The following IKZF3 variants were observed in gnomAD, a reference collection of about 807,000 sequenced individuals.
IKZF3 encodes IKAROS family zinc finger 3.
In IKZF3, 10 loss-of-function variants were observed where a neutral mutation model predicts 49.0. The observed-to-expected ratio is 0.20, with a 90% CI of 0.13 to 0.35. The LOEUF (loss-of-function observed/expected upper bound fraction) is 0.35, where lower values mean the gene tolerates loss of function less well. Ranked by LOEUF, IKZF3 falls within the 10% of genes least tolerant of loss-of-function variation. IKZF3 has a pLI of 1.00. For missense variants in IKZF3, 498 were observed against 664.8 expected, an observed-to-expected ratio of 0.75 and a Z score of 2.76; for synonymous variants, 209 against 228.2, an observed-to-expected ratio of 0.92 and a Z score of 0.76.
chr17:39,798,692 A>G (rs1009174277), intron 3 of IKZF3, among the ~76,000 whole-genome samples: 14 of 152,064 alleles, frequency 9.2e-5, no homozygotes, highest in Non-Finnish European at 1.8e-4. Context: ...TTTTTAGTAG[A>G]GACAGGGTTT....
chr17:39,774,884 A>G (rs1178422962), intron 7 of IKZF3, among the ~76,000 whole-genome samples: 2 of 152,250 alleles, frequency 1.3e-5, no homozygotes, highest in Non-Finnish European at 2.9e-5. Flanking sequence ...TTTATAGCAT[A>G]AACACCACAT....
At chr17:39,798,201 C>T (rs979428706) in intron 3 of IKZF3, among the ~76,000 whole-genome samples, 1 of 152,158 alleles carries the variant, frequency 6.6e-6, no homozygotes, top group African/African-American at 2.4e-5. Context: ...CTCTTTGGCT[C>T]CCTTCTTTCT....
chr17:39,837,336 G>T (rs1263609199), intron 1 of IKZF3, among the ~76,000 whole-genome samples: 1 of 151,956 alleles, frequency 6.6e-6, no homozygotes, highest in East Asian at 1.9e-4. Context: ...TTATCTGAGG[G>T]ACTTTTCTTG....
rs981452546 is a variant in IKZF3 at position 39,757,727 on chromosome 17, T to C, written c.*8063A>G. On this transcript the variant is annotated 3_prime_UTR_variant, in exon 8 of 8. Coordinates refer to ENST00000346872, the MANE Select transcript of IKZF3 (RefSeq NM_012481.5). ...GATGCACAAGGACTAATTTCAAACA[T>C]ACCAGGATTTTTTTATTTTTCAGTG... 6.6e-6 allele frequency: 1 copy of C among 152,190 alleles called. No individual in the cohort carries two copies. The highest frequency in any genetic ancestry group is 1.5e-5 in the Non-Finnish European group (1 of 68,024). The allele number at this position is 152,190 out of a possible 1,614,324, so 9.4% of individuals were successfully genotyped here.
At chr17:39,780,451 C>T (rs2060713188) in intron 6 of IKZF3, among the ~76,000 whole-genome samples, 1 of 152,072 alleles carries the variant, frequency 6.6e-6, no homozygotes. Context: ...GCAGGCTCAA[C>T]CTCCTGGGCT....
At chr17:39,775,401 G>C (rs2060553123) in intron 7 of IKZF3, among the ~76,000 whole-genome samples, 1 of 152,168 alleles carries the variant, frequency 6.6e-6, no homozygotes, top group Non-Finnish European at 1.5e-5. Context: ...TCCTCTGGTT[G>C]CAATTGTAGC....
At chr17:39,835,229 C>A (rs1433049993) in intron 1 of IKZF3, 25 of 529,176 alleles carry the variant, frequency 4.7e-5, no homozygotes, top group Non-Finnish European at 3.7e-6. Flanking sequence ...CCTTGCCCTC[C>A]AGCAACTTCC....
intron 1 of IKZF3, among the ~76,000 whole-genome samples, chr17:39,840,863 T>C (rs906485263): frequency 6.6e-6 from 1 of 151,660 alleles, no homozygotes; most frequent in Admixed American, 6.6e-5. Flanking sequence ...CCATGCAGGG[T>C]AGGCAGTGTG....
At chr17:39,808,295 G>A (rs944524443) in intron 3 of IKZF3, among the ~76,000 whole-genome samples, 22 of 152,092 alleles carry the variant, frequency 1.4e-4, no homozygotes, top group Non-Finnish European at 3.1e-4. Flanking sequence ...GAATTAGCTT[G>A]TTGAAAAACA....
At chr17:39,823,777 G>A (rs1568024001) in intron 3 of IKZF3, among the ~76,000 whole-genome samples, 2 of 152,248 alleles carry the variant, frequency 1.3e-5, no homozygotes, top group Non-Finnish European at 2.9e-5. Context: ...GTGCATAGAA[G>A]TCAAGAATTG....
In IKZF3 at chr17:39,765,348, C is replaced by T. The variant is rs2060264250; in HGVS notation, c.*442G>A. On this transcript the variant is annotated 3_prime_UTR_variant, in exon 8 of 8. Coordinates refer to ENST00000346872, the MANE Select transcript of IKZF3 (RefSeq NM_012481.5). ...GGAGATTAGATCTTAACCCTTCAGC[C>T]TGTGAAGGGCAGAAGGGTGAGGCTT... 1 of 158,286 alleles carries T rather than the reference C, an allele frequency of 6.3e-6. No homozygotes were observed. The highest frequency in any genetic ancestry group is 1.4e-5 in the Non-Finnish European group (1 of 71,780). The allele number at this position is 158,286 out of a possible 1,614,324, so 9.8% of individuals were successfully genotyped here. A position where few individuals can be genotyped will look rare whatever the true frequency, so the allele number is the denominator to read the frequency against.
chr17:39,804,585 GATGCTGTC>G (rs897941672), intron 3 of IKZF3, among the ~76,000 whole-genome samples: 9 of 152,152 alleles, frequency 5.9e-5, no homozygotes, highest in African/African-American at 2.2e-4. Context: ...ACAAGATTCT[GATGCTGTC>G]ATGCAGTATG....
chr17:39,839,089 C>T (rs2062389258), intron 1 of IKZF3, among the ~76,000 whole-genome samples: 1 of 152,072 alleles, frequency 6.6e-6, no homozygotes, highest in African/African-American at 2.4e-5. Flanking sequence ...CCTTAGCTTC[C>T]CAAAGAGCTG....
chr17:39,787,491 C>A (rs903095655), intron 6 of IKZF3, among the ~76,000 whole-genome samples: 18 of 152,312 alleles, frequency 1.2e-4, no homozygotes, highest in Middle Eastern at 6.8e-3. Context: ...CTTCCCTAGC[C>A]ACTCCCCAAC....
At position 39,792,801 on chromosome 17, in the gene IKZF3, A is replaced by T. The variant is rs767118824; in HGVS notation, c.296T>A (p.Ile99Asn). 4 of 1,614,120 alleles carry T rather than the reference A, an allele frequency of 2.5e-6. No homozygotes were observed. The highest frequency in any genetic ancestry group is 3.3e-5 in the Admixed American group (2 of 60,018). The change falls in exon 4 of 8, where the codon ATT becomes AAT. Residue 99 changes from isoleucine (I) to asparagine (N), a missense_variant. Ile to Asn is a moderately radical substitution (Grantham distance 149, BLOSUM62 -3). Around this residue, in one of 3 missense-constraint regions of IKZF3, gnomAD observed 84 missense variants for 168.6 expected, o/e 0.50. Coordinates refer to ENST00000346872, the MANE Select transcript of IKZF3 (RefSeq NM_012481.5). ...TGAGACAACATGTCTCTCCAACTTAATGTTTTCATATTCATTATATTCTCT... is the reference window on the plus strand; with the variant it reads ...TGAGACAACATGTCTCTCCAACTTATTGTTTTCATATTCATTATATTCTCT... ...YSREYNEYEN[I>N]KLERHVVSFD...
chr17:39,824,833 C>A (rs901547706), intron 3 of IKZF3, among the ~76,000 whole-genome samples: 2 of 152,016 alleles, frequency 1.3e-5, no homozygotes, highest in African/African-American at 2.4e-5. Flanking sequence ...GTAGCTGGGA[C>A]TACAGGTGCC....
At chr17:39,830,627 T>C (rs2062083537) in intron 2 of IKZF3, among the ~76,000 whole-genome samples, 1 of 152,310 alleles carries the variant, frequency 6.6e-6, no homozygotes, top group Middle Eastern at 3.4e-3. Context: ...ATAGGCATAG[T>C]AGCTTAACAA....
intron 3 of IKZF3, among the ~76,000 whole-genome samples, chr17:39,804,987 T>C (rs2061402580): frequency 6.6e-6 from 1 of 152,200 alleles, no homozygotes; most frequent in Non-Finnish European, 1.5e-5. Flanking sequence ...GACATATACT[T>C]CCTGACATGT....
In IKZF3 at chr17:39,760,698, A is replaced by G. The variant is rs1192040676; in HGVS notation, c.*5092T>C. 1 of 152,260 alleles carries G rather than the reference A, an allele frequency of 6.6e-6. No homozygotes were observed. The highest frequency in any genetic ancestry group is 1.5e-5 in the Non-Finnish European group (1 of 68,068). The allele number at this position is 152,260 out of a possible 1,614,324, so 9.4% of individuals were successfully genotyped here. ...GGGTGGTACAGGAAATAGGAGAATA[A>G]TAGTGATACAGATGCTACCTGGAAA... On this transcript the variant is annotated 3_prime_UTR_variant, in exon 8 of 8. Transcript: ENST00000346872.
Sources: allele counts gnomAD v4.1 joint callset (sites outside exome capture counted in the v4.1 genomes callset), GRCh38; gene constraint gnomAD v4.1.1; regional missense constraint gnomAD v4.1.1; transcripts MANE v1.5; gene names NCBI Gene and HGNC (gene_info 2026-07-23, HGNC 2026-07-21).